KLF8: variants seen among roughly 807,000 people sequenced by gnomAD.
KLF8 encodes the protein Krueppel-like factor 8.
A neutral mutation model predicts 18.2 loss-of-function variants in KLF8; 10 were observed. The ratio of observed to expected loss-of-function variants is 0.55; its 90% confidence interval spans 0.34 to 0.93. The LOEUF is 0.93. Among genes scored for constraint, KLF8 ranks in the 40% least tolerant of loss-of-function variants. The pLI, the probability that KLF8 is intolerant of heterozygous loss-of-function variation, is 0.02. For synonymous variants in KLF8, 109 were observed against 97.3 expected (o/e 1.12, Z -0.71); for missense variants, 264 against 277.9 (o/e 0.95, Z 0.36).
At chrX:56,043,185 G>A in the KLF8 span, among the ~76,000 whole-genome samples, 7 of 110,696 alleles carry the variant, frequency 6.3e-5, no homozygotes, top group East Asian at 5.7e-4. Flanking sequence ...TGTGAGGTTC[G>A]CTGTTAATCT....
chrX:55,970,286 A>G, the KLF8 span, among the ~76,000 whole-genome samples: 1 of 111,431 alleles, frequency 9.0e-6, no homozygotes, highest in Non-Finnish European at 1.9e-5. Context: ...AAATCAATCA[A>G]TGTGATACAC....
chrX:56,087,715 G>A, the KLF8 span, among the ~76,000 whole-genome samples: 1 of 111,746 alleles, frequency 8.9e-6, no homozygotes, highest in South Asian at 3.7e-4. Context: ...GTTCTTTAAG[G>A]CATTTTCTGT....
At chrX:56,045,080 G>A in the KLF8 span, among the ~76,000 whole-genome samples, 2 of 111,836 alleles carry the variant, frequency 1.8e-5, no homozygotes, top group Non-Finnish European at 3.8e-5. Flanking sequence ...TGTATAAGGT[G>A]AGAGATGAGG....
chrX:56,144,084 C>G, the KLF8 span, among the ~76,000 whole-genome samples: 1 of 112,127 alleles, frequency 8.9e-6, no homozygotes, highest in Non-Finnish European at 1.9e-5. Context: ...CAGTAGTGAA[C>G]AGTTTCTTCA....
chrX:56,191,186 T>A, the KLF8 span, among the ~76,000 whole-genome samples: 2 of 111,511 alleles, frequency 1.8e-5, no homozygotes, highest in Admixed American at 9.6e-5. Context: ...GGCAACTATA[T>A]GCCAATAAAT....
the KLF8 span, among the ~76,000 whole-genome samples, chrX:56,223,652 T>G: frequency 8.9e-6 from 1 of 112,674 alleles, no homozygotes. Flanking sequence ...GTGGGAGAGA[T>G]AGGCATAGAA....
chrX:56,195,971 C>T, the KLF8 span, among the ~76,000 whole-genome samples: 3 of 111,542 alleles, frequency 2.7e-5, no homozygotes, highest in East Asian at 8.4e-4. Context: ...AATTACATAT[C>T]CAGGCAAACT....
At chrX:56,248,136 A>C (rs2066650519) in intron 1 of KLF8, among the ~76,000 whole-genome samples, 1 of 110,449 alleles carries the variant, frequency 9.1e-6, no homozygotes, top group South Asian at 3.9e-4. Flanking sequence ...AGGAAGGGGA[A>C]CATCACACAC....
At chrX:56,216,741 G>T in the KLF8 span, among the ~76,000 whole-genome samples, 1 of 109,898 alleles carries the variant, frequency 9.1e-6, no homozygotes, top group South Asian at 3.9e-4. Flanking sequence ...TCTCCAGCCA[G>T]CTACTTATAC....
chrX:55,972,176 T>C, the KLF8 span, among the ~76,000 whole-genome samples: 1 of 111,892 alleles, frequency 8.9e-6, no homozygotes, highest in African/African-American at 3.2e-5. Context: ...AAAGAAAATG[T>C]GGTACATATA....
the KLF8 span, among the ~76,000 whole-genome samples, chrX:55,927,538 C>T: frequency 3.6e-5 from 4 of 112,043 alleles, no homozygotes; most frequent in South Asian, 1.1e-3. Flanking sequence ...CCATCAGCAT[C>T]GTAGTTGCTG....
Position 56,288,058 on chromosome X carries a change from A to G in KLF8, c.*3564A>G, listed in dbSNP as rs1241371633. Among the ~76,000 whole-genome samples the G allele has an allele frequency of 9.0e-6, 1 of 110,847 alleles. No individual in the cohort carries two copies. Among genetic ancestry groups the G allele is most frequent in the East Asian group, 2.8e-4 (1 of 3,532 alleles). Reference sequence around the variant, plus strand: ...CGAGACCAACCTGGACAACATGGTGAAACCACGTCTCTATTAAAAATACAA... The same window carrying G: ...CGAGACCAACCTGGACAACATGGTGGAACCACGTCTCTATTAAAAATACAA... On this transcript the variant is annotated 3_prime_UTR_variant, in exon 6 of 6. Transcript: ENST00000468660.
chrX:56,180,981 CT>C, the KLF8 span, among the ~76,000 whole-genome samples: 1 of 111,449 alleles, frequency 9.0e-6, no homozygotes, highest in Non-Finnish European at 1.9e-5. Flanking sequence ...GTTAGGTCTG[CT>C]TGGTGCAGAG....
At chrX:56,102,468 T>C in the KLF8 span, among the ~76,000 whole-genome samples, 1 of 111,212 alleles carries the variant, frequency 9.0e-6, no homozygotes, top group Non-Finnish European at 1.9e-5. Context: ...TTTAGAATAG[T>C]TTTTTTCCCT....
At chrX:55,910,878 T>C in the KLF8 span, among the ~76,000 whole-genome samples, 1 of 111,846 alleles carries the variant, frequency 8.9e-6, no homozygotes, top group Non-Finnish European at 1.9e-5. Flanking sequence ...CATTGTTTTA[T>C]AAAATAAATA....
At chrX:56,079,248 T>C in the KLF8 span, among the ~76,000 whole-genome samples, 1 of 111,592 alleles carries the variant, frequency 9.0e-6, no homozygotes, top group African/African-American at 3.3e-5. Context: ...GTGTCAATTT[T>C]GGATCTTCCC....
chrX:56,098,074 T>C, the KLF8 span, among the ~76,000 whole-genome samples: 1 of 111,348 alleles, frequency 9.0e-6, no homozygotes, highest in Non-Finnish European at 1.9e-5. Flanking sequence ...GTGATTTCTT[T>C]CTATATTAGT....
At chrX:55,908,730 C>T in the KLF8 span, 3 of 283,883 alleles carry the variant, frequency 1.1e-5, no homozygotes, top group African/African-American at 8.3e-5. Context: ...AGCTCAATCC[C>T]GGCCCCGCCC....
chrX:56,154,657 G>A, the KLF8 span, among the ~76,000 whole-genome samples: 1 of 111,957 alleles, frequency 8.9e-6, no homozygotes, highest in Non-Finnish European at 1.9e-5. Context: ...TACCATCAGA[G>A]TGAACAGGCA....
Sources: allele counts gnomAD v4.1 joint callset (sites outside exome capture counted in the v4.1 genomes callset), GRCh38; gene constraint gnomAD v4.1.1; transcripts MANE v1.5; gene names NCBI Gene and HGNC (gene_info 2026-07-23, HGNC 2026-07-21).